USP16: variants seen among roughly 807,000 people sequenced by gnomAD.
USP16 encodes the protein ubiquitin specific peptidase 16.
A neutral mutation model predicts 95.9 loss-of-function variants in USP16; 77 were observed. That is an observed-to-expected ratio of 0.80 (90% CI 0.67 to 0.97). The LOEUF is 0.97. USP16 is among the 50% of genes least tolerant of loss of function. USP16 has a pLI of 0.00. For missense variants in USP16, 943 were observed against 959.9 expected, an observed-to-expected ratio of 0.98 and a Z score of 0.23; for synonymous variants, 303 against 318.2, an observed-to-expected ratio of 0.95 and a Z score of 0.51.
chr21:29,036,568 T>G (rs940643385), intron 5 of USP16, among the ~76,000 whole-genome samples, 194 bp downstream of exon 5: 1 of 152,238 alleles, frequency 6.6e-6, no homozygotes, highest in Admixed American at 6.5e-5. Context: ...TCAGATGTGA[T>G]GAAGGCCATA....
intron 16 of USP16, 105 bp from the exon 17 acceptor site, chr21:29,053,697 C>CA: frequency 1.7e-6 from 2 of 1,192,180 alleles, no homozygotes; most frequent in Non-Finnish European, 2.4e-6. Flanking sequence ...TCTGCACTCT[C>CA]AAAGTAATGG....
Position 29,046,920 on chromosome 21 carries a change from T to C in USP16, c.1610T>C (p.Met537Thr), listed in dbSNP as rs778629546. The C allele has an allele frequency of 1.2e-6, 2 of 1,614,140 alleles. No homozygotes were observed. Among genetic ancestry groups the C allele is most frequent in the East Asian group, 4.5e-5 (2 of 44,868 alleles). ...DNQKSTEEVD[M>T]KNINMDNDLE... ...CAAAAATCCACAGAGGAAGTAGATA[T>C]GAAAAATATCAACATGGATAATGAT... The change falls in exon 14 of 18, where the codon ATG becomes ACG. Residue 537 changes from methionine (M) to threonine (T), a missense_variant. Transcript: ENST00000399976.
chr21:29,025,346 A>G (rs568896719), intron 1 of USP16, among the ~76,000 whole-genome samples: 32 of 152,310 alleles, frequency 2.1e-4, no homozygotes, highest in Admixed American at 7.8e-4. Context: ...CGGCAAGACT[A>G]TCTTTGATTT....
intron 10 of USP16, 87 bp from the exon 11 acceptor site, chr21:29,041,926 G>T (rs1341429024): frequency 9.2e-7 from 1 of 1,081,212 alleles, no homozygotes; most frequent in Non-Finnish European, 1.4e-6. Context: ...AAATTTTAGA[G>T]TTAGATAGGT....
chr21:29,042,196 G>A, intron 11 of USP16, 92 bp downstream of exon 11: 2 of 1,178,418 alleles, frequency 1.7e-6, no homozygotes, highest in African/African-American at 3.1e-5. Context: ...TACCTTCATA[G>A]GATATCTTTT....
chr21:29,043,419 T>A lies in USP16; in HGVS notation c.1180-4T>A. The stretch of plus-strand genomic sequence containing the variant: ...TTTTTGACCTATGTTATCTATATTT[T>A]AAGAGTGGTAAGAAAAGTGTAAATG... On this transcript the variant is annotated splice_region_variant and splice_polypyrimidine_tract_variant and intron_variant, in intron 12 of 17. Transcript: ENST00000399976. The A allele has an allele frequency of 1.3e-6, 2 of 1,493,026 alleles. No homozygotes were observed. The highest frequency in any genetic ancestry group is 1.8e-6 in the Non-Finnish European group (2 of 1,125,958). 92.5% of individuals were successfully genotyped at this position (1,493,026 alleles called of 1,614,324 possible). A position where few individuals can be genotyped will look rare whatever the true frequency, so the allele number is the denominator to read the frequency against.
intron 5 of USP16, 145 bp from the exon 6 acceptor site, chr21:29,037,131 G>A (rs2085169708): frequency 4.5e-6 from 2 of 444,686 alleles, no homozygotes; most frequent in South Asian, 1.5e-4. Context: ...CAATTTACCT[G>A]TATCTATTTA....
chr21:29,053,875 C>A lies in USP16; in HGVS notation c.2267C>A (p.Ser756Ter), dbSNP rs370296808. 6.2e-7 allele frequency: 1 copy of A among 1,614,158 alleles called. No individual in the cohort carries two copies. The highest frequency in any genetic ancestry group is 2.2e-5 in the East Asian group (1 of 44,882). ...GTTGAACACAGTGGTACTATGAGGT[C>A]GGGGCATTACACTGCCTATGCCAAG... ...GVVEHSGTMR[S>*]GHYTAYAKAR... The change falls in exon 17 of 18, where the codon TCG (serine) becomes TAG (stop). Residue 756 changes from serine (S) to a stop codon, truncating the protein, a stop_gained. Transcript: ENST00000399976. LOFTEE classifies it high-confidence loss of function.
At chr21:29,052,644 G>A (rs1044470118) in intron 16 of USP16, 2 of 152,210 alleles carry the variant, frequency 1.3e-5, no homozygotes, top group Admixed American at 6.5e-5. Context: ...GAAGCCAAAA[G>A]TCTTCATAGG....
Position 29,027,866 on chromosome 21 carries a change from T to G in USP16, c.-41-7T>G. ...TTTGGTCAAGCTAACTTTATCTTGT[T>G]TTCTAGATTGTTATTTTGTGTCAGT... On this transcript the variant is annotated splice_polypyrimidine_tract_variant and splice_region_variant and intron_variant, in intron 1 of 17. Transcript: ENST00000399976. 2 of 1,609,496 alleles carry G rather than the reference T, an allele frequency of 1.2e-6. No individual in the cohort carries two copies. The highest frequency in any genetic ancestry group is 1.7e-6 in the Non-Finnish European group (2 of 1,176,264).
rs1431829974 is a variant in USP16 at position 29,049,968 on chromosome 21, T to G, written c.2107-124T>G. 7 of 832,444 alleles carry G rather than the reference T, an allele frequency of 8.4e-6. No individual in the cohort carries two copies. In the African/African-American group the frequency reaches 1.2e-4, roughly 14 times the overall value. 51.6% of individuals were successfully genotyped at this position (832,444 alleles called of 1,614,324 possible). A position where few individuals can be genotyped will look rare whatever the true frequency, so the allele number is the denominator to read the frequency against. ...GTTAGTGTTCAGGAAGAATTGAGTCTCCAAAGAAAATTGAACTAGGACTTA... is the reference window on the plus strand; with the variant it reads ...GTTAGTGTTCAGGAAGAATTGAGTCGCCAAAGAAAATTGAACTAGGACTTA... On this transcript the variant is annotated intron_variant, in intron 15 of 17. Coordinates refer to ENST00000399976, the MANE Select transcript of USP16 (RefSeq NM_006447.3).
intron 1 of USP16, chr21:29,026,507 G>A (rs939509679): frequency 1.4e-5 from 2 of 147,166 alleles, no homozygotes; most frequent in African/African-American, 5.0e-5. Context: ...AAAAAGTGGT[G>A]GTCTTGAAAC....
intron 1 of USP16, among the ~76,000 whole-genome samples, chr21:29,026,841 A>G (rs1050068466): frequency 1.3e-5 from 2 of 152,144 alleles, no homozygotes; most frequent in Non-Finnish European, 2.9e-5. Flanking sequence ...CTATATAGTT[A>G]TAACTTTAGT....
At chr21:29,038,883 A>G (rs1282377481) in intron 7 of USP16, 143 bp from the exon 8 acceptor site, 4 of 759,628 alleles carry the variant, frequency 5.3e-6, no homozygotes, top group Non-Finnish European at 7.5e-6. Flanking sequence ...AACAGTTTCT[A>G]TCTCTTTTGA....
chr21:29,034,961 C>A (rs750222548), intron 4 of USP16, 21 bp downstream of exon 4: 3 of 1,585,024 alleles, frequency 1.9e-6, no homozygotes, highest in Middle Eastern at 3.3e-4. Flanking sequence ...GTTCCTCTGC[C>A]TCTTGGGTGG....
chr21:29,051,738 G>A (rs572892339), intron 16 of USP16, among the ~76,000 whole-genome samples: 2 of 152,224 alleles, frequency 1.3e-5, no homozygotes, highest in African/African-American at 4.8e-5. Flanking sequence ...GGCTGAGGCA[G>A]GAGAATTGCT....
intron 14 of USP16, among the ~76,000 whole-genome samples, 200 bp downstream of exon 14, chr21:29,047,521 G>A (rs2085345132): frequency 6.6e-6 from 1 of 152,132 alleles, no homozygotes; most frequent in Non-Finnish European, 1.5e-5. Context: ...GCAGTTAAAT[G>A]GGACAGTTTT....
chr21:29,037,151 G>T, intron 5 of USP16, 125 bp from the exon 6 acceptor site: 1 of 526,738 alleles, frequency 1.9e-6, no homozygotes, highest in Non-Finnish European at 3.0e-6. Context: ...AAAATCAAAT[G>T]GGTGGGTGGG....
rs761022126 is a variant in USP16 at position 29,047,039 on chromosome 21, A to G, written c.1729A>G (p.Lys577Glu). ...AGAAGTGGACATTTCCAATGGTTTC[A>G]AAAACCTAAATTTGAATGCTGCTCT... Reference protein sequence around the residue: ...NGEVDISNGFKNLNLNAALHP... With the variant: ...NGEVDISNGFENLNLNAALHP... Residue 577 changes from lysine to glutamate, a missense_variant, in exon 14 of 18, where the codon AAA becomes GAA. Coordinates refer to ENST00000399976, the MANE Select transcript of USP16 (RefSeq NM_006447.3). 6.2e-7 allele frequency: 1 copy of G among 1,614,106 alleles called. No homozygotes were observed. Among genetic ancestry groups the G allele is most frequent in the Non-Finnish European group, 8.5e-7 (1 of 1,180,016 alleles).
Sources: allele counts gnomAD v4.1 joint callset (sites outside exome capture counted in the v4.1 genomes callset), GRCh38; gene constraint gnomAD v4.1.1; transcripts MANE v1.5; gene names NCBI Gene and HGNC (gene_info 2026-07-23, HGNC 2026-07-21).